Variants in ROBO2 observed in about 807,000 individuals in gnomAD.
ROBO2 encodes roundabout guidance receptor 2.
Under a neutral mutation model 160.8 loss-of-function variants are expected in ROBO2, and 53 were observed. The observed-to-expected ratio is 0.33, with a 90% CI of 0.26 to 0.41. ROBO2 has a LOEUF of 0.41. Among genes scored for constraint, ROBO2 ranks in the 10% least tolerant of loss-of-function variants. The probability of loss-of-function intolerance (pLI) is 1.00; values close to 1 mark genes in which losing one functional copy is unlikely to be tolerated. For synonymous variants in ROBO2, 664 were observed against 611.7 expected, an observed-to-expected ratio of 1.09 and a Z score of -1.26; for missense variants, 1,577 against 1,722.4, an observed-to-expected ratio of 0.92 and a Z score of 1.49.
At chr3:77,001,842 G>A (rs558048695) in intron 2 of ROBO2, among the ~76,000 whole-genome samples, 5 of 152,182 alleles carry the variant, frequency 3.3e-5, no homozygotes, top group South Asian at 4.1e-4. Context: ...TGTTGCCCAT[G>A]TGTGTGACCA....
intron 2 of ROBO2, among the ~76,000 whole-genome samples, chr3:76,800,475 A>G (rs2108843932): frequency 6.6e-6 from 1 of 152,338 alleles, no homozygotes; most frequent in South Asian, 2.1e-4. Flanking sequence ...TATCCATCTG[A>G]CAAGGGATTA....
intron 2 of ROBO2, among the ~76,000 whole-genome samples, chr3:76,702,715 G>A (rs1339657072): frequency 6.6e-6 from 1 of 151,876 alleles, no homozygotes; most frequent in East Asian, 1.9e-4. Flanking sequence ...TGAGTTAGAT[G>A]AAAAGAGTCA....
chr3:76,879,322 T>G lies in ROBO2; in HGVS notation c.110-218692T>G, dbSNP rs185711004. On this transcript the variant is annotated intron_variant, in intron 2 of 26. Transcript: ENST00000487694. ...CCTGAGAATCTGGTTAATGTAGATT[T>G]TCCAACTTAGTAGGTCTGGGGTGTG... is the stretch of plus-strand genomic sequence containing the variant. 2.2e-4 allele frequency among the ~76,000 whole-genome samples: 33 copies of G among 152,216 alleles called. No homozygotes were observed. In the East Asian group the frequency reaches 2.7e-3, roughly 12 times the overall value.
chr3:77,304,015 A>G (rs2062882829), intron 2 of ROBO2, among the ~76,000 whole-genome samples: 1 of 152,130 alleles, frequency 6.6e-6, no homozygotes, highest in Admixed American at 6.6e-5. Context: ...TTTCTTTCTC[A>G]ACATCAACTA....
intron 2 of ROBO2, among the ~76,000 whole-genome samples, chr3:76,900,070 G>A (rs1212260051): frequency 2.0e-5 from 3 of 152,232 alleles, no homozygotes; most frequent in South Asian, 2.1e-4. Flanking sequence ...GCAAGAAGGA[G>A]CAAGTCACAG....
At chr3:77,126,955 A>AT (rs1226101782) in intron 2 of ROBO2, among the ~76,000 whole-genome samples, 1 of 150,816 alleles carries the variant, frequency 6.6e-6, no homozygotes, top group Non-Finnish European at 1.5e-5. Flanking sequence ...CGCCCGGCTA[A>AT]TTTTTTTGTA....
intron 2 of ROBO2, among the ~76,000 whole-genome samples, chr3:76,667,919 G>GA (rs895515012): frequency 9.3e-5 from 14 of 149,864 alleles, no homozygotes; most frequent in Admixed American, 4.0e-4. Context: ...CAGTAAGTTT[G>GA]AAAAAAAAAC....
chr3:76,787,526 A>T (rs1233372579), intron 2 of ROBO2, among the ~76,000 whole-genome samples: 1 of 151,254 alleles, frequency 6.6e-6, no homozygotes, highest in East Asian at 2.0e-4. Flanking sequence ...ACACCACAAA[A>T]CCTACAAATG....
chr3:77,275,789 A>C (rs1437523333), intron 2 of ROBO2, among the ~76,000 whole-genome samples: 1 of 152,178 alleles, frequency 6.6e-6, no homozygotes. Flanking sequence ...AGTTTGGTGT[A>C]CAATATGATA....
intron 2 of ROBO2, among the ~76,000 whole-genome samples, chr3:76,965,479 A>G (rs911966338): frequency 7.2e-5 from 11 of 152,154 alleles, no homozygotes; most frequent in African/African-American, 2.7e-4. Context: ...GCCCCTGACT[A>G]AACAGCAGAA....
chr3:76,020,323 T>C (rs1409866768), intron 2 of ROBO2, among the ~76,000 whole-genome samples: 1 of 151,904 alleles, frequency 6.6e-6, no homozygotes, highest in African/African-American at 2.4e-5. Flanking sequence ...TTATTGAATT[T>C]AACCTTTAAC....
intron 2 of ROBO2, among the ~76,000 whole-genome samples, chr3:77,162,923 G>A (rs1207068708): frequency 6.6e-6 from 1 of 151,992 alleles, no homozygotes; most frequent in Non-Finnish European, 1.5e-5. Flanking sequence ...TTGGCCTCCT[G>A]GGTTCAAGCA....
intron 2 of ROBO2, among the ~76,000 whole-genome samples, chr3:76,086,574 C>A (rs2069020961): frequency 6.6e-6 from 1 of 152,098 alleles, no homozygotes; most frequent in African/African-American, 2.4e-5. Context: ...AATGCCTTAC[C>A]AATCTATTAA....
intron 2 of ROBO2, among the ~76,000 whole-genome samples, chr3:77,226,462 GAGTTGCT>G (rs1160597408): frequency 6.6e-6 from 1 of 151,868 alleles, no homozygotes; most frequent in Non-Finnish European, 1.5e-5. Context: ...ACATGGCTTA[GAGTTGCT>G]GGTAGATTTT....
intron 2 of ROBO2, among the ~76,000 whole-genome samples, chr3:77,298,884 A>G (rs1196870332): frequency 6.6e-6 from 1 of 152,212 alleles, no homozygotes; most frequent in Non-Finnish European, 1.5e-5. Flanking sequence ...CGTGTACAGA[A>G]TTATAATAAA....
At chr3:76,960,242 A>C (rs921208060) in intron 2 of ROBO2, among the ~76,000 whole-genome samples, 2 of 152,076 alleles carry the variant, frequency 1.3e-5, no homozygotes, top group Non-Finnish European at 2.9e-5. Context: ...TTAAACATAA[A>C]CCCCTGATAG....
intron 2 of ROBO2, among the ~76,000 whole-genome samples, chr3:76,179,943 A>T (rs113699781): frequency 6.6e-6 from 1 of 152,128 alleles, no homozygotes; most frequent in Admixed American, 6.5e-5. Flanking sequence ...TTACAACTAT[A>T]GAACCGGTAC....
chr3:77,458,494 A>G (rs115022531), intron 2 of ROBO2, among the ~76,000 whole-genome samples: 57 of 152,254 alleles, frequency 3.7e-4, no homozygotes, highest in African/African-American at 1.3e-3. Flanking sequence ...CCGCATACCT[A>G]TTAGGAAAAG....
At chr3:76,881,121 C>A (rs562679255) in intron 2 of ROBO2, among the ~76,000 whole-genome samples, 10 of 152,076 alleles carry the variant, frequency 6.6e-5, no homozygotes, top group Non-Finnish European at 1.3e-4. Flanking sequence ...CTTCCCAGAC[C>A]CAGAAAATAG....
Sources: allele counts gnomAD v4.1 joint callset (sites outside exome capture counted in the v4.1 genomes callset), GRCh38; gene constraint gnomAD v4.1.1; transcripts MANE v1.5; gene names NCBI Gene and HGNC (gene_info 2026-07-23, HGNC 2026-07-21).